GALNTL6: variants seen among roughly 807,000 people sequenced by gnomAD.
The protein encoded by GALNTL6 is polypeptide N-acetylgalactosaminyltransferase-like 6.
In GALNTL6, 46 loss-of-function variants were observed where a neutral mutation model predicts 73.7. That is an observed-to-expected ratio of 0.62 (90% confidence interval 0.49 to 0.80). The LOEUF (loss-of-function observed/expected upper bound fraction) is 0.80, where lower values mean the gene tolerates loss of function less well. GALNTL6 is among the 30% of genes least tolerant of loss of function. The probability of loss-of-function intolerance (pLI) is 0.00; values close to 1 mark genes in which losing one functional copy is unlikely to be tolerated. For synonymous variants in GALNTL6, 259 were observed against 263.7 expected (o/e 0.98, Z 0.17); for missense variants, 604 against 755.0 (o/e 0.80, Z 2.34).
chr4:172,464,478 C>T (rs2111449663), intron 5 of GALNTL6, among the ~76,000 whole-genome samples: 1 of 152,116 alleles, frequency 6.6e-6, no homozygotes, highest in South Asian at 2.1e-4. Context: ...GAGGCTGAGG[C>T]AGGTGGGTCA....
At chr4:172,846,398 G>A (rs887894402) in intron 7 of GALNTL6, among the ~76,000 whole-genome samples, 1 of 152,138 alleles carries the variant, frequency 6.6e-6, no homozygotes, top group African/African-American at 2.4e-5. Context: ...ACTGGCATCA[G>A]GAACATAATC....
chr4:172,633,945 G>A (rs948807715), intron 5 of GALNTL6, among the ~76,000 whole-genome samples: 1 of 152,212 alleles, frequency 6.6e-6, no homozygotes, highest in African/African-American at 2.4e-5. Flanking sequence ...CTTCTGGCAT[G>A]ATTGTGAGGC....
At chr4:173,032,699 G>A (rs1445956035) in intron 12 of GALNTL6, among the ~76,000 whole-genome samples, 1 of 152,116 alleles carries the variant, frequency 6.6e-6, no homozygotes, top group East Asian at 1.9e-4. Context: ...ATATAAAAAA[G>A]GCCAGACATC....
rs569995945 is a variant in GALNTL6 at position 173,029,319 on chromosome 4, A to G, written c.1638+7694A>G. 5.9e-5 allele frequency among the ~76,000 whole-genome samples: 9 copies of G among 152,336 alleles called. No individual in the cohort carries two copies. In the South Asian group the frequency reaches 1.9e-3, roughly 32 times the overall value. Reference sequence around the variant, plus strand: ...ACACAGATTATATTTAATTCATTTTACTCAAGACAGATCCCAAATATTTGA... The same window carrying G: ...ACACAGATTATATTTAATTCATTTTGCTCAAGACAGATCCCAAATATTTGA... On this transcript the variant is annotated intron_variant, in intron 12 of 12. Coordinates refer to ENST00000506823, the MANE Select transcript of GALNTL6 (RefSeq NM_001034845.3).
chr4:172,953,555 G>A (rs576653635), intron 10 of GALNTL6, among the ~76,000 whole-genome samples: 2 of 152,300 alleles, frequency 1.3e-5, no homozygotes, highest in African/African-American at 4.8e-5. Flanking sequence ...CCAGGGCATG[G>A]TAGGAGAGGC....
At chr4:172,173,781 G>A (rs1276365851) in intron 2 of GALNTL6, among the ~76,000 whole-genome samples, 3 of 152,166 alleles carry the variant, frequency 2.0e-5, no homozygotes, top group Admixed American at 6.5e-5. Context: ...AGGGATGATA[G>A]GGAAAAGACA....
At chr4:171,993,855 A>G (rs2110743062) in intron 2 of GALNTL6, among the ~76,000 whole-genome samples, 1 of 151,982 alleles carries the variant, frequency 6.6e-6, no homozygotes, top group South Asian at 2.1e-4. Flanking sequence ...CATGTGGAGT[A>G]AAAATGCAAT....
intron 2 of GALNTL6, among the ~76,000 whole-genome samples, chr4:172,061,436 A>G (rs1731197340): frequency 6.6e-6 from 1 of 152,146 alleles, no homozygotes; most frequent in African/African-American, 2.4e-5. Context: ...TGTCATTCAA[A>G]TGTTGCAAAA....
intron 7 of GALNTL6, among the ~76,000 whole-genome samples, chr4:172,815,175 G>A (rs946534359): frequency 4.6e-5 from 7 of 152,258 alleles, no homozygotes; most frequent in Non-Finnish European, 1.0e-4. Flanking sequence ...GTGAGGTGAT[G>A]CATATGTTAA....
intron 5 of GALNTL6, among the ~76,000 whole-genome samples, chr4:172,807,463 C>G (rs1741031431): frequency 6.6e-6 from 1 of 152,202 alleles, no homozygotes; most frequent in Non-Finnish European, 1.5e-5. Flanking sequence ...ACTTACTAGT[C>G]TTCGATTATT....
chr4:171,817,570 CT>C (rs1462724501), intron 2 of GALNTL6, among the ~76,000 whole-genome samples: 4 of 151,488 alleles, frequency 2.6e-5, no homozygotes, highest in Non-Finnish European at 5.9e-5. Context: ...GTATTTAACA[CT>C]TTTTTTCTCT....
chr4:171,995,830 A>ACT (rs1385002760), intron 2 of GALNTL6, among the ~76,000 whole-genome samples: 2 of 152,090 alleles, frequency 1.3e-5, no homozygotes, highest in Non-Finnish European at 2.9e-5. Context: ...TAGGATAACA[A>ACT]CTTAGAAAAG....
intron 8 of GALNTL6, among the ~76,000 whole-genome samples, chr4:172,924,010 G>T (rs2111299765): frequency 6.6e-6 from 1 of 152,266 alleles, no homozygotes; most frequent in South Asian, 2.1e-4. Context: ...GGTCCCACGA[G>T]CCTGGGGTGG....
chr4:172,612,890 A>G (rs1328717916), intron 5 of GALNTL6, among the ~76,000 whole-genome samples: 1 of 152,120 alleles, frequency 6.6e-6, no homozygotes, highest in Non-Finnish European at 1.5e-5. Flanking sequence ...ATGTAAAATG[A>G]AAAAAGAACA....
chr4:172,827,864 A>G lies in GALNTL6; in HGVS notation c.923+14141A>G, dbSNP rs530663556. On this transcript the variant is annotated intron_variant, in intron 7 of 12. Transcript: ENST00000506823. The stretch of plus-strand genomic sequence containing the variant: ...TTTCAAAAATACTATCTCACTATAC[A>G]AGTTTTTTTTCACTGCATTCTTTAA... Among the ~76,000 whole-genome samples, 39 of 150,362 alleles carry G rather than the reference A, an allele frequency of 2.6e-4. No individual in the cohort carries two copies. In the South Asian group the frequency reaches 7.5e-3, roughly 29 times the overall value.
chr4:172,438,521 A>G (rs762596620), intron 5 of GALNTL6, among the ~76,000 whole-genome samples: 30 of 151,996 alleles, frequency 2.0e-4, no homozygotes, highest in Non-Finnish European at 3.8e-4. Context: ...TCATCATTAT[A>G]TATTATTGTT....
intron 10 of GALNTL6, among the ~76,000 whole-genome samples, chr4:172,963,826 C>T (rs1310553372): frequency 2.0e-5 from 3 of 152,194 alleles, no homozygotes; most frequent in African/African-American, 4.8e-5. Flanking sequence ...CAAAATATTC[C>T]GTTCTGACAT....
chr4:171,930,116 A>G (rs1316371911), intron 2 of GALNTL6, among the ~76,000 whole-genome samples: 14 of 152,216 alleles, frequency 9.2e-5, no homozygotes, highest in Admixed American at 9.2e-4. Context: ...ACCACCACAT[A>G]CCTGCACCCA....
intron 5 of GALNTL6, among the ~76,000 whole-genome samples, chr4:172,607,849 A>G (rs148023147): frequency 0.019 from 2,906 of 152,064 alleles, 89 homozygotes; most frequent in African/African-American, 0.065. Context: ...ATGATTAGTG[A>G]TGTTGAGCAT....
Sources: gnomAD v4.1 joint callset for allele counts (sites outside exome capture counted in the v4.1 genomes callset) on GRCh38, gnomAD v4.1.1 for gene constraint, MANE v1.5 for transcripts, NCBI Gene and HGNC (gene_info 2026-07-23, HGNC 2026-07-21) for gene names.